SYNPO2: variants seen among roughly 807,000 people sequenced by gnomAD.
SYNPO2 encodes the protein synaptopodin 2, also known as synaptopodin-2.
SYNPO2 carries 56 observed loss-of-function variants against 85.0 expected under a neutral mutation model. That is an observed-to-expected ratio of 0.66 (90% CI 0.53 to 0.82). The LOEUF (loss-of-function observed/expected upper bound fraction) is 0.82, where lower values mean the gene tolerates loss of function less well. Among genes scored for constraint, SYNPO2 ranks in the 40% least tolerant of loss-of-function variants. SYNPO2 has a pLI of 0.00. For missense variants in SYNPO2, 1,575 were observed against 1,534.2 expected (o/e 1.03, Z -0.44); for synonymous variants, 602 against 591.1 (o/e 1.02, Z -0.27).
intron 1 of SYNPO2, among the ~76,000 whole-genome samples, chr4:118,924,778 T>C (rs1578555267): frequency 1.3e-5 from 2 of 152,188 alleles, no homozygotes; most frequent in Admixed American, 1.3e-4. Flanking sequence ...CCTGCTGGTA[T>C]ATCTGCTGTT....
chr4:118,933,829 G>GTTTTTTTTTTTTTT lies in SYNPO2; in HGVS notation c.105+44692_105+44705dup, dbSNP rs71595334. On this transcript the variant is annotated intron_variant, in intron 1 of 4. Transcript: ENST00000307142. ...ATAGCTGCTTTTTGCTGTTGTTGTT[G>GTTTTTTTTTTTTTT]TTTTTTTTTTTTTTTTTGGACAGTA... Among the ~76,000 whole-genome samples the GTTTTTTTTTTTTTT allele has an allele frequency of 1.4e-3, 145 of 102,180 alleles. 3 individuals carry two copies. Among genetic ancestry groups the GTTTTTTTTTTTTTT allele is most frequent in the Non-Finnish European group, 1.9e-3 (100 of 52,072 alleles). The allele number at this position is 102,180 out of a possible 152,430, so 67.0% of individuals were successfully genotyped here.
intron 1 of SYNPO2, among the ~76,000 whole-genome samples, chr4:118,910,846 G>A (rs1733111929): frequency 1.3e-5 from 2 of 151,830 alleles, no homozygotes; most frequent in Non-Finnish European, 1.5e-5. Flanking sequence ...TTTTTTTTGA[G>A]AATCATCCTT....
upstream of SYNPO2, among the ~76,000 whole-genome samples, chr4:118,887,166 AGTGTGTGT>A (rs71595329): frequency 3.4e-4 from 47 of 139,144 alleles, no homozygotes; most frequent in Middle Eastern, 3.6e-3. Flanking sequence ...CATCTGAGTG[AGTGTGTGT>A]GTGTGTGTGT....
chr4:119,049,882 T>A (rs999948672), intron 4 of SYNPO2, among the ~76,000 whole-genome samples: 5 of 152,204 alleles, frequency 3.3e-5, no homozygotes, highest in Non-Finnish European at 7.3e-5. Context: ...TGCACTGTAT[T>A]CCCTACGGCC....
chr4:119,000,215 A>T (rs546604463), intron 1 of SYNPO2, among the ~76,000 whole-genome samples: 1 of 152,300 alleles, frequency 6.6e-6, no homozygotes, highest in Admixed American at 6.5e-5. Flanking sequence ...TGAGGTAATA[A>T]AAAGCAAGAC....
chr4:119,016,225 C>A (rs991580569), intron 1 of SYNPO2, among the ~76,000 whole-genome samples: 7 of 152,086 alleles, frequency 4.6e-5, no homozygotes, highest in African/African-American at 7.2e-5. Flanking sequence ...AGTTCGAGAC[C>A]AGCCTGGCCA....
chr4:118,900,785 A>ATCTATCTATCTG (rs1732729724), intron 1 of SYNPO2, among the ~76,000 whole-genome samples: 2 of 144,984 alleles, frequency 1.4e-5, no homozygotes, highest in African/African-American at 2.6e-5. Flanking sequence ...CTATCTATCT[A>ATCTATCTATCTG]TAGATATTTG....
intron 1 of SYNPO2, among the ~76,000 whole-genome samples, chr4:118,930,698 T>C (rs545293769): frequency 4.0e-5 from 6 of 149,658 alleles, no homozygotes; most frequent in Non-Finnish European, 7.4e-5. Context: ...AAGGATTGCT[T>C]GAGCCCAGGA....
At chr4:118,980,426 G>A (rs1157424767) in intron 1 of SYNPO2, among the ~76,000 whole-genome samples, 1 of 152,116 alleles carries the variant, frequency 6.6e-6, no homozygotes, top group Non-Finnish European at 1.5e-5. Context: ...TGCTTGGCAA[G>A]GTCTACCTAG....
At chr4:119,016,973 T>C (rs1262053983) in intron 1 of SYNPO2, among the ~76,000 whole-genome samples, 1 of 152,184 alleles carries the variant, frequency 6.6e-6, no homozygotes, top group East Asian at 1.9e-4. Context: ...TTTACTTTTA[T>C]GGTGACTTGG....
intron 1 of SYNPO2, among the ~76,000 whole-genome samples, chr4:118,879,475 A>G (rs1732025547): frequency 6.6e-6 from 1 of 152,154 alleles, no homozygotes; most frequent in African/African-American, 2.4e-5. Context: ...GTAAGACGAG[A>G]GACACAAGAG....
intron 1 of SYNPO2, among the ~76,000 whole-genome samples, chr4:118,900,717 A>G (rs1340718026): frequency 1.7e-5 from 2 of 119,124 alleles, no homozygotes; most frequent in Non-Finnish European, 3.6e-5. Context: ...ATATATATAT[A>G]TATATATATA....
intron 4 of SYNPO2, chr4:119,036,068 C>T: frequency 4.1e-6 from 4 of 985,360 alleles, no homozygotes; most frequent in Non-Finnish European, 2.4e-6. Flanking sequence ...TCATTTCATC[C>T]AGTTATAAAC....
At chr4:118,963,537 A>G (rs1402273289) in intron 1 of SYNPO2, among the ~76,000 whole-genome samples, 1 of 152,130 alleles carries the variant, frequency 6.6e-6, no homozygotes, top group Non-Finnish European at 1.5e-5. Context: ...GAGTCTTGTG[A>G]TGTTGCCCAG....
intron 1 of SYNPO2, among the ~76,000 whole-genome samples, chr4:118,928,896 C>A (rs1733825696): frequency 6.6e-6 from 1 of 152,136 alleles, no homozygotes; most frequent in South Asian, 2.1e-4. Flanking sequence ...CAATCCACAG[C>A]CATGTACTTT....
chr4:118,949,444 C>A (rs1433668620), intron 1 of SYNPO2, among the ~76,000 whole-genome samples: 1 of 152,012 alleles, frequency 6.6e-6, no homozygotes, highest in Non-Finnish European at 1.5e-5. Flanking sequence ...AAAATAGCAT[C>A]TTTAAATTAT....
chr4:119,030,627 G>T lies in SYNPO2; in HGVS notation c.1852G>T (p.Ala618Ser), dbSNP rs761609046. ...NMTSPIADFP[A>S]PPPYSAVTPP... ...GACGAGTCCCATTGCTGACTTTCCT[G>T]CACCTCCACCTTACTCTGCAGTCAC... is the stretch of plus-strand genomic sequence containing the variant. Residue 618 changes from alanine to serine, a missense_variant, in exon 4 of 5, where the codon GCA (alanine) becomes TCA (serine). By Grantham distance (99) the Ala-to-Ser change is moderately conservative (BLOSUM62 1). This residue lies in a region of SYNPO2 where 1,508 missense variants were observed against 1,446.8 expected (regional missense o/e 1.04). Coordinates refer to ENST00000307142, the MANE Select transcript of SYNPO2 (RefSeq NM_133477.3). 2 of 1,614,048 alleles carry T rather than the reference G, an allele frequency of 1.2e-6. No homozygotes were observed. The highest frequency in any genetic ancestry group is 1.7e-6 in the Non-Finnish European group (2 of 1,180,020).
Position 119,033,659 on chromosome 4 carries a change from C to G in SYNPO2, c.3252+1632C>G, listed in dbSNP as rs1738376896. Reference sequence around the variant, plus strand: ...TAATCTTCTGAAAATATCTGTATTCCTGCTCTTTTTCTGCTGTCACTGTCA... The same window carrying G: ...TAATCTTCTGAAAATATCTGTATTCGTGCTCTTTTTCTGCTGTCACTGTCA... On this transcript the variant is annotated intron_variant, in intron 4 of 4. Coordinates refer to ENST00000307142, the MANE Select transcript of SYNPO2 (RefSeq NM_133477.3). 7 of 985,200 alleles carry G rather than the reference C, an allele frequency of 7.1e-6. No homozygotes were observed. The South Asian group carries it at 3.3e-4, about 46-fold the overall frequency. 61.0% of individuals were successfully genotyped at this position (985,200 alleles called of 1,614,324 possible).
At chr4:119,038,104 A>T in intron 4 of SYNPO2, 1 of 978,464 alleles carries the variant, frequency 1.0e-6, no homozygotes. Context: ...TTTGTCTGGC[A>T]TCCAAACCTG....
Sources: allele counts gnomAD v4.1 joint callset (sites outside exome capture counted in the v4.1 genomes callset), GRCh38; gene constraint gnomAD v4.1.1; regional missense constraint gnomAD v4.1.1; transcripts MANE v1.5; gene names NCBI Gene and HGNC (gene_info 2026-07-23, HGNC 2026-07-21).